Variants in RGS2 observed in about 807,000 individuals in gnomAD.
RGS2 encodes the protein G0 to G1 switch regulatory 8, 24kD.
In RGS2, 20 loss-of-function variants were observed where a neutral mutation model predicts 26.6. The observed-to-expected ratio is 0.75, with a 90% confidence interval of 0.53 to 1.09. The LOEUF (loss-of-function observed/expected upper bound fraction) is 1.09, where lower values mean the gene tolerates loss of function less well. Among genes scored for constraint, RGS2 ranks in the 50% least tolerant of loss-of-function variants. The pLI is 0.00. For synonymous variants in RGS2, 97 were observed against 79.9 expected, an observed-to-expected ratio of 1.21 and a Z score of -1.14; for missense variants, 246 against 245.5, an observed-to-expected ratio of 1.00 and a Z score of -0.01.
intron 4 of RGS2, 30 bp downstream of exon 4, chr1:192,811,177 A>C (rs760297309): frequency 2.1e-5 from 34 of 1,609,948 alleles, no homozygotes; most frequent in Non-Finnish European, 2.7e-5. Context: ...ATTTCAGCAC[A>C]ATCTGGACAT....
intron 1 of RGS2, 95 bp downstream of exon 1, chr1:192,809,276 C>A: frequency 1.1e-6 from 1 of 895,070 alleles, no homozygotes; most frequent in Non-Finnish European, 1.9e-6. Flanking sequence ...CGTTAGGAAA[C>A]TAGCCTGAGC....
chr1:192,810,499 A>G, intron 3 of RGS2, 68 bp downstream of exon 3: 2 of 1,394,704 alleles, frequency 1.4e-6, no homozygotes, highest in Non-Finnish European at 2.0e-6. Flanking sequence ...CGTCCACCTA[A>G]CAAAAGAGCA....
chr1:192,810,252 A>G lies in RGS2; in HGVS notation c.197A>G (p.Gln66Arg), dbSNP rs1041811542. The G allele has an allele frequency of 1.2e-6, 2 of 1,613,782 alleles. No homozygotes were observed. The highest frequency in any genetic ancestry group is 1.7e-6 in the Non-Finnish European group (2 of 1,179,592). Residue 66 changes from glutamine (Q) to arginine (R), a missense_variant, in exon 2 of 5, where the codon CAG becomes CGG. Gln to Arg is a conservative substitution (Grantham distance 43, BLOSUM62 1). Coordinates refer to ENST00000235382, the MANE Select transcript of RGS2 (RefSeq NM_002923.4). ...CCCAAAACCGGCAAAAAAAGCAAAC[A>G]GCAAGCTTTCATCAAGTAAGTTGAG... is the stretch of plus-strand genomic sequence containing the variant. The part of the protein sequence containing the change: ...GKPKTGKKSK[Q>R]QAFIKPSPEE...
At position 192,811,880 on chromosome 1, in the gene RGS2, A is replaced by G. The variant is rs1363582450; in HGVS notation, c.*284A>G. 3 of 472,656 alleles carry G rather than the reference A, an allele frequency of 6.3e-6. No individual in the cohort carries two copies. Among genetic ancestry groups the G allele is most frequent in the Non-Finnish European group, 1.2e-5 (3 of 257,348 alleles). The allele number at this position is 472,656 out of a possible 1,614,324, so 29.3% of individuals were successfully genotyped here. A position where few individuals can be genotyped will look rare whatever the true frequency, so the allele number is the denominator to read the frequency against. On this transcript the variant is annotated 3_prime_UTR_variant, in exon 5 of 5. Transcript: ENST00000235382. ...AAGCAGGAATGTAAGATGATGAAAG[A>G]GACAATGTAATACTGTTGGTCCAAA...
chr1:192,810,108 G>A, intron 1 of RGS2, 58 bp from the exon 2 acceptor site: 1 of 1,072,962 alleles, frequency 9.3e-7, no homozygotes, highest in Admixed American at 1.7e-5. Context: ...GCGTTCAGCT[G>A]CAGTAGCATA....
intron 1 of RGS2, 136 bp downstream of exon 1, chr1:192,809,317 AT>A: frequency 1.4e-6 from 1 of 722,542 alleles, no homozygotes; most frequent in Non-Finnish European, 2.6e-6. Context: ...GAAAAGGTCA[AT>A]TTGTTAAGTA....
chr1:192,810,849 A>C (rs1665579163), intron 3 of RGS2, 132 bp from the exon 4 acceptor site: 1 of 1,067,074 alleles, frequency 9.4e-7, no homozygotes, highest in Admixed American at 1.9e-5. Context: ...AATTTTGAGA[A>C]TTACAGGTTT....
chr1:192,811,668 T>C lies in RGS2; in HGVS notation c.*72T>C. 8 of 1,404,776 alleles carry C rather than the reference T, an allele frequency of 5.7e-6. No homozygotes were observed. The highest frequency in any genetic ancestry group is 8.1e-6 in the Non-Finnish European group (8 of 989,486). 87.0% of individuals were successfully genotyped at this position (1,404,776 alleles called of 1,614,324 possible). A position where few individuals can be genotyped will look rare whatever the true frequency, so the allele number is the denominator to read the frequency against. ...TGAGGGGAAGGACTGTGACCTGCCA[T>C]AAAGACTGACCTTGAATTCAGCCTG... On this transcript the variant is annotated 3_prime_UTR_variant, in exon 5 of 5. Transcript: ENST00000235382.
rs764300196 is a variant in RGS2, at chr1:192,811,920, A to G, written c.*324A>G. On this transcript the variant is annotated 3_prime_UTR_variant, in exon 5 of 5. Transcript: ENST00000235382. ...GTTGGTCCAAAAGCATTTAAAATCAATAGATCTGGGATTATGTGGCCTTAG... is the reference window on the plus strand; with the variant it reads ...GTTGGTCCAAAAGCATTTAAAATCAGTAGATCTGGGATTATGTGGCCTTAG... 6 of 370,554 alleles carry G rather than the reference A, an allele frequency of 1.6e-5. No individual in the cohort carries two copies. Among genetic ancestry groups the G allele is most frequent in the African/African-American group, 8.3e-5 (4 of 48,150 alleles). The allele number at this position is 370,554 out of a possible 1,614,324, so 23.0% of individuals were successfully genotyped here. A position where few individuals can be genotyped will look rare whatever the true frequency, so the allele number is the denominator to read the frequency against.
At chr1:192,810,802 C>T in intron 3 of RGS2, 179 bp from the exon 4 acceptor site, 1 of 698,244 alleles carries the variant, frequency 1.4e-6, no homozygotes, top group Non-Finnish European at 2.5e-6. Flanking sequence ...CCAACATAAG[C>T]CTTTTGCCTA....
At chr1:192,809,332 T>C (rs1161797320) in intron 1 of RGS2, 151 bp downstream of exon 1, 2 of 696,198 alleles carry the variant, frequency 2.9e-6, no homozygotes, top group Non-Finnish European at 5.4e-6. Flanking sequence ...TTAAGTAAGG[T>C]TAAATCTGGG....
chr1:192,811,122 T>G lies in RGS2; in HGVS notation c.416T>G (p.Phe139Cys). The change falls in exon 4 of 5, where the codon TTC (phenylalanine) becomes TGC (cysteine). Residue 139 changes from phenylalanine (F) to cysteine (C), a missense_variant. Phe to Cys is a radical substitution (Grantham distance 205). Transcript: ENST00000235382. ...AAAGCAAGGAAAATATATACTGACT[T>G]CATAGAAAAGGAAGCTCCAAAAGAG... The part of the protein sequence containing the change: ...SSKARKIYTD[F>C]IEKEAPKEIN... 6.2e-7 allele frequency: 1 copy of G among 1,614,128 alleles called. No homozygotes were observed. Among genetic ancestry groups the G allele is most frequent in the Non-Finnish European group, 8.5e-7 (1 of 1,180,028 alleles).
Position 192,811,745 on chromosome 1 carries a change from T to A in RGS2, c.*149T>A. ...TATTGATTCAAAGTTGGGTAGTGAA[T>A]CAGGAAGCCAGTAACTGACTAGGAG... On this transcript the variant is annotated 3_prime_UTR_variant, in exon 5 of 5. Transcript: ENST00000235382. 1 of 785,778 alleles carries A rather than the reference T, an allele frequency of 1.3e-6. No individual in the cohort carries two copies. Among genetic ancestry groups the A allele is most frequent in the Non-Finnish European group, 2.2e-6 (1 of 454,976 alleles). The allele number at this position is 785,778 out of a possible 1,614,324, so 48.7% of individuals were successfully genotyped here. A position where few individuals can be genotyped will look rare whatever the true frequency, so the allele number is the denominator to read the frequency against.
At position 192,811,460 on chromosome 1, in the gene RGS2, G is replaced by A. The variant is rs926025845; in HGVS notation, c.500G>A (p.Ser167Asn). ...LIAQNIQEATSGCFTTAQKRV... is the reference protein window; with the variant it reads ...LIAQNIQEATNGCFTTAQKRV... ...GCCCAGAATATACAAGAAGCTACAA[G>A]TGGCTGCTTTACAACTGCCCAGAAA... is the stretch of plus-strand genomic sequence containing the variant. Residue 167 changes from serine to asparagine, a missense_variant, in exon 5 of 5, where the codon AGT becomes AAT. Ser to Asn is a conservative substitution (Grantham distance 46). Coordinates refer to ENST00000235382, the MANE Select transcript of RGS2 (RefSeq NM_002923.4). The A allele has an allele frequency of 6.2e-7, 1 of 1,613,928 alleles. No homozygotes were observed. Among genetic ancestry groups the A allele is most frequent in the African/African-American group, 1.3e-5 (1 of 74,904 alleles).
At chr1:192,809,275 A>G in intron 1 of RGS2, 94 bp downstream of exon 1, 2 of 911,998 alleles carry the variant, frequency 2.2e-6, no homozygotes, top group Non-Finnish European at 3.7e-6. Flanking sequence ...ACGTTAGGAA[A>G]CTAGCCTGAG....
rs1207387642 is a variant in RGS2 at position 192,809,103 on chromosome 1, A to C, written c.32A>C (p.His11Pro). The C allele has an allele frequency of 1.2e-6, 2 of 1,613,926 alleles. No homozygotes were observed. Among genetic ancestry groups the C allele is most frequent in the Non-Finnish European group, 1.7e-6 (2 of 1,179,932 alleles). Residue 11 changes from histidine (H) to proline (P), a missense_variant, in exon 1 of 5, where the codon CAC becomes CCC. His to Pro is a moderately conservative substitution (Grantham distance 77). Transcript: ENST00000235382. Reference protein sequence around the residue: MQSAMFLAVQHDCRPMDKSAG... With the variant: MQSAMFLAVQPDCRPMDKSAG... ...AGTGCTATGTTCTTGGCTGTTCAAC[A>C]CGACTGCAGACCCATGGACAAGAGC...
In RGS2 at chr1:192,810,154, T is replaced by G. The variant is rs188646735; in HGVS notation, c.111-12T>G. ...GCTAGTTAGTAATTATCTTTTTAAT[T>G]TTTTGTTTTAGTTTAAAAGATTGGA... On this transcript the variant is annotated splice_polypyrimidine_tract_variant and intron_variant, in intron 1 of 4. Transcript: ENST00000235382. The G allele has an allele frequency of 3.4e-5, 52 of 1,528,780 alleles. No individual in the cohort carries two copies. In the Admixed American group the frequency reaches 5.7e-4, roughly 17 times the overall value. 94.7% of individuals were successfully genotyped at this position (1,528,780 alleles called of 1,614,324 possible).
At chr1:192,809,771 T>A (rs1476668470) in intron 1 of RGS2, among the ~76,000 whole-genome samples, 1 of 152,174 alleles carries the variant, frequency 6.6e-6, no homozygotes, top group Non-Finnish European at 1.5e-5. Flanking sequence ...GTGGGCCGGC[T>A]CCAGACAGTT....
intron 3 of RGS2, 90 bp downstream of exon 3, chr1:192,810,521 G>T (rs1454421470): frequency 1.7e-6 from 2 of 1,167,978 alleles, no homozygotes; most frequent in Non-Finnish European, 2.6e-6. Flanking sequence ...CTTGCCTGAG[G>T]GGGATTAGAC....
Sources: gnomAD v4.1 joint callset for allele counts (sites outside exome capture counted in the v4.1 genomes callset) on GRCh38, gnomAD v4.1.1 for gene constraint, MANE v1.5 for transcripts, NCBI Gene and HGNC (gene_info 2026-07-23, HGNC 2026-07-21) for gene names.